The following CSMD1 variants were observed in gnomAD, a reference collection of about 807,000 sequenced individuals.
CSMD1 encodes CUB and sushi domain-containing protein 1.
A neutral mutation model predicts 417.5 loss-of-function variants in CSMD1; 213 were observed. The observed-to-expected ratio is 0.51, with a 90% CI of 0.46 to 0.57. CSMD1 has a LOEUF of 0.57. Among genes scored for constraint, CSMD1 ranks in the 20% least tolerant of loss-of-function variants. CSMD1 has a pLI of 0.00. For synonymous variants in CSMD1, 2,862 were observed against 1,736.8 expected (o/e 1.65, Z -16.11); for missense variants, 6,923 against 4,529.7 (o/e 1.53, Z -15.17).
intron 41 of CSMD1, among the ~76,000 whole-genome samples, chr8:3,121,232 G>C (rs1817186299): frequency 6.6e-6 from 1 of 152,092 alleles, no homozygotes; most frequent in African/African-American, 2.4e-5. Context: ...ACAGCTTCCT[G>C]TGGTTAAGCC....
intron 21 of CSMD1, among the ~76,000 whole-genome samples, chr8:3,350,477 A>C (rs1808345551): frequency 6.6e-6 from 1 of 152,150 alleles, no homozygotes; most frequent in African/African-American, 2.4e-5. Flanking sequence ...GATGTGATAT[A>C]AACTGTGAAG....
At chr8:4,257,416 T>C (rs1803538811) in intron 3 of CSMD1, among the ~76,000 whole-genome samples, 1 of 149,078 alleles carries the variant, frequency 6.7e-6, no homozygotes, top group Admixed American at 6.6e-5. Flanking sequence ...AATCATGGAT[T>C]TGCACTTTTC....
At chr8:3,233,956 G>C (rs1467235217) in intron 26 of CSMD1, among the ~76,000 whole-genome samples, 1 of 152,174 alleles carries the variant, frequency 6.6e-6, no homozygotes. Context: ...CGGCGGTTGT[G>C]AGTTGCATGC....
At chr8:3,684,334 T>C (rs373620185) in intron 7 of CSMD1, among the ~76,000 whole-genome samples, 167 of 146,206 alleles carry the variant, frequency 1.1e-3, no homozygotes, top group East Asian at 9.0e-3. Flanking sequence ...ATATGTTATA[T>C]ATTATATAAA....
Position 3,631,900 on chromosome 8 carries a change from G to C in CSMD1, c.1010-15103C>G, listed in dbSNP as rs879392125. On this transcript the variant is annotated intron_variant, in intron 7 of 69. Coordinates refer to ENST00000635120, the MANE Select transcript of CSMD1 (RefSeq NM_033225.6). ...AGATAACCTGACTTTATGCAGAGTA[G>C]ACTGACGAAGCAAAACCCCCCAGAT... Among the ~76,000 whole-genome samples, 3 of 152,282 alleles carry C rather than the reference G, an allele frequency of 2.0e-5. No homozygotes were observed. In the East Asian group the frequency reaches 5.8e-4, roughly 29 times the overall value.
At chr8:3,317,311 C>A (rs1043921660) in intron 23 of CSMD1, among the ~76,000 whole-genome samples, 1 of 152,146 alleles carries the variant, frequency 6.6e-6, no homozygotes, top group African/African-American at 2.4e-5. Context: ...GAGCACAGAG[C>A]GAGACAATCT....
At chr8:3,131,862 T>C (rs938408285) in intron 41 of CSMD1, among the ~76,000 whole-genome samples, 2 of 152,206 alleles carry the variant, frequency 1.3e-5, no homozygotes, top group Non-Finnish European at 2.9e-5. Flanking sequence ...ATACATAATA[T>C]TGTTATGTAT....
chr8:3,186,939 G>A lies in CSMD1; in HGVS notation c.5620+930C>T, dbSNP rs917171635. Among the ~76,000 whole-genome samples the A allele has an allele frequency of 2.6e-5, 4 of 152,136 alleles. No homozygotes were observed. The South Asian group carries it at 6.2e-4, about 24-fold the overall frequency. ...GTAATTTTAGTAGAGACAGGGTTTC[G>A]CCATGTTGGCCAGGCTGGTCTCGAA... On this transcript the variant is annotated intron_variant, in intron 36 of 69. Coordinates refer to ENST00000635120, the MANE Select transcript of CSMD1 (RefSeq NM_033225.6).
chr8:3,415,465 C>T (rs1334490350), intron 12 of CSMD1, among the ~76,000 whole-genome samples: 6 of 152,192 alleles, frequency 3.9e-5, no homozygotes, highest in African/African-American at 1.2e-4. Context: ...TCAAGAGATT[C>T]TCTTGGCTCA....
At position 3,189,871 on chromosome 8, in the gene CSMD1, C is replaced by A. The variant is rs1444457510; in HGVS notation, c.5398+41G>T. 3.3e-6 allele frequency: 5 copies of A among 1,517,294 alleles called. No individual in the cohort carries two copies. The South Asian group carries it at 4.8e-5, about 15-fold the overall frequency. 94.0% of individuals were successfully genotyped at this position (1,517,294 alleles called of 1,614,324 possible). A position where few individuals can be genotyped will look rare whatever the true frequency, so the allele number is the denominator to read the frequency against. ...ATGAGAAGTAACTCTTTGGCACCAC[C>A]ACAGAGTTCTGGCGGGCAGCCGCTT... On this transcript the variant is annotated intron_variant, in intron 34 of 69. Transcript: ENST00000635120.
chr8:4,649,563 AT>A (rs968903866), intron 1 of CSMD1, among the ~76,000 whole-genome samples: 1 of 152,152 alleles, frequency 6.6e-6, no homozygotes, highest in Non-Finnish European at 1.5e-5. Context: ...ATGATATAGT[AT>A]TTTTTCTGTC....
intron 5 of CSMD1, among the ~76,000 whole-genome samples, chr8:3,830,723 G>T (rs900639564): frequency 1.3e-5 from 2 of 152,126 alleles, no homozygotes; most frequent in Non-Finnish European, 2.9e-5. Flanking sequence ...GCTGAACTTT[G>T]TGTTTATTAA....
intron 3 of CSMD1, among the ~76,000 whole-genome samples, chr8:4,296,438 G>A (rs1245009971): frequency 6.6e-6 from 1 of 152,180 alleles, no homozygotes; most frequent in African/African-American, 2.4e-5. Context: ...AGATAGCATG[G>A]CATTTGGACT....
intron 12 of CSMD1, among the ~76,000 whole-genome samples, chr8:3,458,334 C>G (rs1463719392): frequency 6.6e-6 from 1 of 152,146 alleles, no homozygotes; most frequent in Non-Finnish European, 1.5e-5. Flanking sequence ...AATGGCTTAT[C>G]TCACATTATT....
intron 1 of CSMD1, among the ~76,000 whole-genome samples, chr8:4,723,406 G>C (rs1194213122): frequency 6.6e-6 from 1 of 152,130 alleles, no homozygotes; most frequent in Non-Finnish European, 1.5e-5. Context: ...AAAACAAAAA[G>C]AGGGTTTAAT....
chr8:3,828,289 T>C (rs1460561556), intron 5 of CSMD1, among the ~76,000 whole-genome samples: 1 of 152,202 alleles, frequency 6.6e-6, no homozygotes. Context: ...AACATGCTTA[T>C]TTTCAGTTTG....
At chr8:3,926,573 C>T (rs1036200791) in intron 5 of CSMD1, among the ~76,000 whole-genome samples, 2 of 151,684 alleles carry the variant, frequency 1.3e-5, no homozygotes, top group East Asian at 1.9e-4. Flanking sequence ...GATGATTATT[C>T]TAACATTTAT....
At chr8:3,495,425 T>C (rs1308200239) in intron 10 of CSMD1, among the ~76,000 whole-genome samples, 1 of 152,176 alleles carries the variant, frequency 6.6e-6, no homozygotes, top group Non-Finnish European at 1.5e-5. Context: ...GGTCACACTA[T>C]ATGAATGGGC....
intron 41 of CSMD1, among the ~76,000 whole-genome samples, chr8:3,139,589 G>C (rs971456410): frequency 6.6e-6 from 1 of 152,194 alleles, no homozygotes; most frequent in Non-Finnish European, 1.5e-5. Flanking sequence ...TGAAAAACAG[G>C]TGTAGAAATT....
Sources: allele counts gnomAD v4.1 joint callset (sites outside exome capture counted in the v4.1 genomes callset), GRCh38; gene constraint gnomAD v4.1.1; transcripts MANE v1.5; gene names NCBI Gene and HGNC (gene_info 2026-07-23, HGNC 2026-07-21).